The following ZNF397 variants were observed in gnomAD, a reference collection of about 807,000 sequenced individuals.
The protein encoded by ZNF397 is zinc finger and SCAN domain-containing protein 15.
In ZNF397, 38 loss-of-function variants were observed where a neutral mutation model predicts 50.6. The ratio of observed to expected loss-of-function variants is 0.75; its 90% CI spans 0.58 to 0.98. ZNF397 has a LOEUF of 0.98. Ranked by LOEUF, ZNF397 falls within the 50% of genes least tolerant of loss-of-function variation. ZNF397 has a pLI of 0.00. For missense variants in ZNF397, 624 were observed against 624.1 expected (o/e 1.00, Z 0.00); for synonymous variants, 228 against 215.2 (o/e 1.06, Z -0.52).
At chr18:35,244,867 A>G (rs1433213501) in intron 3 of ZNF397, among the ~76,000 whole-genome samples, 1 of 151,954 alleles carries the variant, frequency 6.6e-6, no homozygotes, top group Non-Finnish European at 1.5e-5. Context: ...AATCACTATG[A>G]GAGAGTGAGG....
At chr18:35,244,901 T>A (rs761529026) in intron 3 of ZNF397, among the ~76,000 whole-genome samples, 4 of 151,666 alleles carry the variant, frequency 2.6e-5, no homozygotes, top group Admixed American at 6.6e-5. Context: ...TGAGAGAGAG[T>A]GAGGTTGCTT....
At chr18:35,241,491 G>A (rs1912493767) in intron 1 of ZNF397, 1 of 152,200 alleles carries the variant, frequency 6.6e-6, no homozygotes, top group South Asian at 2.1e-4. Flanking sequence ...GACAAACTAA[G>A]GGCATACATT....
At chr18:35,253,588 G>A (rs1335010274), downstream of ZNF397, 2 of 1,614,038 alleles carry the variant, frequency 1.2e-6, no homozygotes, top group Admixed American at 3.3e-5. Flanking sequence ...TCTGATTGAA[G>A]GATTTTCCAC....
intron 3 of ZNF397, among the ~76,000 whole-genome samples, chr18:35,244,456 A>G (rs1273071637): frequency 2.0e-5 from 3 of 152,198 alleles, no homozygotes; most frequent in Non-Finnish European, 4.4e-5. Context: ...GACATTAGTC[A>G]GACAATAGCT....
rs867277376 is a variant in ZNF397, at chr18:35,245,736, G to A, written c.1031G>A (p.Ser344Asn). 1.9e-6 allele frequency: 3 copies of A among 1,552,122 alleles called. No individual in the cohort carries two copies. The highest frequency in any genetic ancestry group is 1.7e-6 in the Non-Finnish European group (2 of 1,147,182). ...AGTGGTGAGAAAGCATATGAATGTA[G>A]TGAATGTGGGAAAGCTTTCAATCAG... is the stretch of plus-strand genomic sequence containing the variant. The part of the protein sequence containing the change: ...IHSGEKAYEC[S>N]ECGKAFNQSS... The change falls in exon 4 of 4, where the codon AGT (serine) becomes AAT (asparagine). Residue 344 changes from serine to asparagine, a missense_variant. Coordinates refer to ENST00000330501, the MANE Select transcript of ZNF397 (RefSeq NM_001135178.3).
chr18:35,253,332 A>G, downstream of ZNF397: 1 of 732,462 alleles, frequency 1.4e-6, no homozygotes. Context: ...TTCTTATAGT[A>G]CCGAACTGGG....
chr18:35,243,445 C>G, intron 3 of ZNF397, 152 bp downstream of exon 3: 1 of 1,031,926 alleles, frequency 9.7e-7, no homozygotes, highest in Non-Finnish European at 1.5e-6. Flanking sequence ...TTTGTATTCA[C>G]CCCTCATGAA....
chr18:35,257,820 C>T (rs1049022842), intron 5 of ZNF397: 21 of 771,328 alleles, frequency 2.7e-5, no homozygotes, highest in African/African-American at 8.5e-5. Context: ...TATGCTTCAG[C>T]GGCCCATGAA....
chr18:35,244,166 T>C (rs1030387007), intron 3 of ZNF397: 2 of 154,458 alleles, frequency 1.3e-5, no homozygotes, highest in Admixed American at 1.3e-4. Flanking sequence ...AGCTGACTCC[T>C]GTTCAACAGC....
rs138426967 is a variant in ZNF397 at position 35,241,727 on chromosome 18, A to G, written c.-81+618A>G. On this transcript the variant is annotated intron_variant, in intron 1 of 3. Coordinates refer to ENST00000330501, the MANE Select transcript of ZNF397 (RefSeq NM_001135178.3). ...ACAGATACGTCTTGGTTCTTGGTCAATTCCTCTGTAGACTCGTTTATTCAT... is the reference window on the plus strand; with the variant it reads ...ACAGATACGTCTTGGTTCTTGGTCAGTTCCTCTGTAGACTCGTTTATTCAT... 5 of 151,844 alleles carry G rather than the reference A, an allele frequency of 3.3e-5. No individual in the cohort carries two copies. In the South Asian group the frequency reaches 6.3e-4, roughly 19 times the overall value. 9.4% of individuals were successfully genotyped at this position (151,844 alleles called of 1,614,324 possible).
At position 35,247,091 on chromosome 18, in the gene ZNF397, A is replaced by G; in HGVS notation, c.*781A>G. 2.0e-6 allele frequency: 2 copies of G among 985,524 alleles called. No individual in the cohort carries two copies. Among genetic ancestry groups the G allele is most frequent in the Non-Finnish European group, 2.4e-6 (2 of 829,978 alleles). The allele number at this position is 985,524 out of a possible 1,614,324, so 61.0% of individuals were successfully genotyped here. ...GGGAAGTGGTACCCCAGTAAAGAACAGTAGCCAAAGGCCAGAAACAAAGTG... is the reference window on the plus strand; with the variant it reads ...GGGAAGTGGTACCCCAGTAAAGAACGGTAGCCAAAGGCCAGAAACAAAGTG... On this transcript the variant is annotated 3_prime_UTR_variant, in exon 4 of 4. Transcript: ENST00000330501.
intron 2 of ZNF397, 117 bp downstream of exon 2, chr18:35,243,001 T>C: frequency 1.4e-6 from 2 of 1,473,092 alleles, no homozygotes; most frequent in East Asian, 4.6e-5. Flanking sequence ...CTGAAGTGAC[T>C]AATAGAGCCA....
rs780006390 is a variant in ZNF397, at chr18:35,245,411, T to C, written c.706T>C (p.Ser236Pro). Reference protein sequence around the residue: ...QGSATGEKLRSPSQGGSFSQV... With the variant: ...QGSATGEKLRPPSQGGSFSQV... The stretch of plus-strand genomic sequence containing the variant: ...AAGTGCTACAGGGGAGAAACTAAGA[T>C]CTCCTTCCCAAGGGGGCAGTTTTAG... Residue 236 changes from serine to proline, a missense_variant, in exon 4 of 4, where the codon TCT (serine) becomes CCT (proline). Ser to Pro is a moderately conservative substitution (Grantham distance 74, BLOSUM62 -1). Transcript: ENST00000330501. The C allele has an allele frequency of 1.2e-5, 19 of 1,582,758 alleles. No individual in the cohort carries two copies. The highest frequency in any genetic ancestry group is 2.3e-5 in the East Asian group (1 of 42,628).
chr18:35,255,315 T>G (rs1050581680), intron 5 of ZNF397, among the ~76,000 whole-genome samples: 4 of 151,630 alleles, frequency 2.6e-5, no homozygotes, highest in South Asian at 2.1e-4. Flanking sequence ...ACTAGTTATA[T>G]CTAGAGATTT....
At chr18:35,256,212 A>C (rs2043808107) in intron 5 of ZNF397, 1 of 152,434 alleles carries the variant, frequency 6.6e-6, no homozygotes, top group South Asian at 2.1e-4. Context: ...TTATATTTAA[A>C]AAGTTGGAAT....
Position 35,246,175 on chromosome 18 carries a change from C to A in ZNF397, c.1470C>A (p.Phe490Leu), listed in dbSNP as rs1273795612. The A allele has an allele frequency of 3.2e-6, 5 of 1,551,936 alleles. No individual in the cohort carries two copies. Among genetic ancestry groups the A allele is most frequent in the Admixed American group, 2.0e-5 (1 of 51,004 alleles). ...PYQCNECGKT[F>L]KRSSALVQHQ... The stretch of plus-strand genomic sequence containing the variant: ...AGTGTAATGAATGTGGCAAAACTTT[C>A]AAAAGGAGCTCAGCCCTTGTTCAGC... Residue 490 changes from phenylalanine to leucine, a missense_variant, in exon 4 of 4, where the codon TTC becomes TTA. Coordinates refer to ENST00000330501, the MANE Select transcript of ZNF397 (RefSeq NM_001135178.3).
chr18:35,254,602 G>C (rs1020424229), downstream of ZNF397: 2 of 717,642 alleles, frequency 2.8e-6, no homozygotes, highest in African/African-American at 3.6e-5. Flanking sequence ...TATTGGAGAA[G>C]AGGGATGGTG....
rs2043458667 is a variant in ZNF397, at chr18:35,245,388, G to A, written c.683G>A (p.Ser228Asn). 6.2e-7 allele frequency: 1 copy of A among 1,600,760 alleles called. No individual in the cohort carries two copies. The highest frequency in any genetic ancestry group is 8.5e-7 in the Non-Finnish European group (1 of 1,173,044). ...AGCAATTTAGTGTGGAAGCAAGGAAGTGCTACAGGGGAGAAACTAAGATCT... is the reference window on the plus strand; with the variant it reads ...AGCAATTTAGTGTGGAAGCAAGGAAATGCTACAGGGGAGAAACTAAGATCT... ...HESNLVWKQG[S>N]ATGEKLRSPS... Residue 228 changes from serine (S) to asparagine (N), a missense_variant, in exon 4 of 4, where the codon AGT (serine) becomes AAT (asparagine). Transcript: ENST00000330501.
At chr18:35,253,758 C>T (rs2043680915), downstream of ZNF397, 1 of 1,613,492 alleles carries the variant, frequency 6.2e-7, no homozygotes, top group South Asian at 1.1e-5. Context: ...CGGCTGAAGG[C>T]CTTCCCACAT....
Sources: allele counts gnomAD v4.1 joint callset (sites outside exome capture counted in the v4.1 genomes callset), GRCh38; gene constraint gnomAD v4.1.1; transcripts MANE v1.5; gene names NCBI Gene and HGNC (gene_info 2026-07-23, HGNC 2026-07-21).